The following PPP1R9A variants were observed in gnomAD, a reference collection of about 807,000 sequenced individuals.
PPP1R9A encodes protein phosphatase 1 regulatory subunit 9A.
In PPP1R9A, 59 loss-of-function variants were observed where a neutral mutation model predicts 141.9. The observed-to-expected ratio is 0.42, with a 90% CI of 0.34 to 0.52. The LOEUF (loss-of-function observed/expected upper bound fraction) is 0.52, where lower values mean the gene tolerates loss of function less well. Among genes scored for constraint, PPP1R9A ranks in the 20% least tolerant of loss-of-function variants. The probability of loss-of-function intolerance (pLI) is 0.10; values close to 1 mark genes in which losing one functional copy is unlikely to be tolerated. For synonymous variants in PPP1R9A, 500 were observed against 569.7 expected (o/e 0.88, Z 1.74); for missense variants, 1,444 against 1,611.9 (o/e 0.90, Z 1.78).
At chr7:95,027,902 G>A (rs369100697) in intron 2 of PPP1R9A, among the ~76,000 whole-genome samples, 62 of 152,190 alleles carry the variant, frequency 4.1e-4, no homozygotes, top group Non-Finnish European at 6.6e-4. Flanking sequence ...ACCTCTTTAT[G>A]CTGCATGCCT....
intron 2 of PPP1R9A, among the ~76,000 whole-genome samples, chr7:94,967,025 T>C (rs1302906351): frequency 1.3e-5 from 2 of 152,236 alleles, no homozygotes; most frequent in Admixed American, 1.3e-4. Context: ...ATTCGAATTC[T>C]TCCTGGTTTA....
At chr7:95,074,708 A>G (rs763188935) in intron 2 of PPP1R9A, among the ~76,000 whole-genome samples, 1 of 152,016 alleles carries the variant, frequency 6.6e-6, no homozygotes, top group Non-Finnish European at 1.5e-5. Flanking sequence ...TTCCAACCTC[A>G]GGTGATCCAC....
chr7:95,071,064 A>G lies in PPP1R9A; in HGVS notation c.1396-40195A>G, dbSNP rs570415395. ...TGGAAGGTAGTTTTCAATTGTGACT[A>G]TACACTAAAGATTGTCACTTGATTC... On this transcript the variant is annotated intron_variant, in intron 2 of 19. Transcript: ENST00000433360. Among the ~76,000 whole-genome samples the G allele has an allele frequency of 2.6e-5, 4 of 152,162 alleles. No homozygotes were observed. In the East Asian group the frequency reaches 5.8e-4, roughly 22 times the overall value.
chr7:94,988,308 A>C (rs1801096498), intron 2 of PPP1R9A, among the ~76,000 whole-genome samples: 1 of 152,150 alleles, frequency 6.6e-6, no homozygotes, highest in African/African-American at 2.4e-5. Flanking sequence ...TAGATCCTCC[A>C]TATCTTCTCA....
chr7:95,283,880 A>G, intron 16 of PPP1R9A, 138 bp from the exon 17 acceptor site: 4 of 713,564 alleles, frequency 5.6e-6, no homozygotes, highest in Non-Finnish European at 8.9e-6. Flanking sequence ...GTTGTAGTCA[A>G]AAGTGCAAAC....
At chr7:95,003,313 C>T (rs1239964246) in intron 2 of PPP1R9A, among the ~76,000 whole-genome samples, 2 of 152,028 alleles carry the variant, frequency 1.3e-5, no homozygotes, top group Non-Finnish European at 2.9e-5. Context: ...GTAGTCCATG[C>T]TTATCTCTAA....
chr7:95,178,358 C>G (rs1169399979), intron 5 of PPP1R9A, among the ~76,000 whole-genome samples: 1 of 152,032 alleles, frequency 6.6e-6, no homozygotes, highest in Non-Finnish European at 1.5e-5. Context: ...CACAACTTAT[C>G]AAAACCTCAG....
chr7:94,924,507 A>T (rs868187810), intron 2 of PPP1R9A, among the ~76,000 whole-genome samples: 1 of 152,078 alleles, frequency 6.6e-6, no homozygotes. Flanking sequence ...TTTAGTTTTG[A>T]GATGGAGTCT....
intron 2 of PPP1R9A, among the ~76,000 whole-genome samples, chr7:95,066,077 G>T (rs1812899940): frequency 6.6e-6 from 1 of 152,162 alleles, no homozygotes; most frequent in Admixed American, 6.5e-5. Flanking sequence ...CAGCACCTCA[G>T]AATGTGACTG....
At chr7:95,218,455 G>C (rs903744457) in intron 7 of PPP1R9A, among the ~76,000 whole-genome samples, 2 of 152,072 alleles carry the variant, frequency 1.3e-5, no homozygotes, top group Non-Finnish European at 2.9e-5. Flanking sequence ...TTGATTTGGG[G>C]TGGAGAGTTC....
chr7:95,034,237 C>A (rs1368489440), intron 2 of PPP1R9A, among the ~76,000 whole-genome samples: 1 of 151,686 alleles, frequency 6.6e-6, no homozygotes, highest in Non-Finnish European at 1.5e-5. Flanking sequence ...TAGCTGTAGT[C>A]CCATTTAGCA....
intron 4 of PPP1R9A, among the ~76,000 whole-genome samples, chr7:95,135,660 C>T (rs1171740430): frequency 6.6e-6 from 1 of 151,700 alleles, no homozygotes; most frequent in East Asian, 1.9e-4. Context: ...ATTTTTAAAA[C>T]TTGTTTTCAA....
At chr7:94,925,872 G>T (rs1368178761) in intron 2 of PPP1R9A, among the ~76,000 whole-genome samples, 1 of 151,988 alleles carries the variant, frequency 6.6e-6, no homozygotes, top group African/African-American at 2.4e-5. Context: ...TGTTGCCTAG[G>T]CTGGAGTGCA....
At chr7:95,213,688 G>A (rs528694341) in intron 7 of PPP1R9A, among the ~76,000 whole-genome samples, 4 of 152,020 alleles carry the variant, frequency 2.6e-5, no homozygotes, top group African/African-American at 9.7e-5. Flanking sequence ...TTTGAACTCT[G>A]TTTGGAAGCC....
intron 12 of PPP1R9A, among the ~76,000 whole-genome samples, chr7:95,262,609 C>T (rs940984606): frequency 6.6e-6 from 1 of 152,040 alleles, no homozygotes; most frequent in Admixed American, 6.5e-5. Flanking sequence ...GAATTTAAGC[C>T]TCTCTGTCCA....
intron 2 of PPP1R9A, among the ~76,000 whole-genome samples, chr7:95,064,216 CATT>C (rs1812644393): frequency 6.6e-6 from 1 of 152,158 alleles, no homozygotes; most frequent in Non-Finnish European, 1.5e-5. Context: ...ATCAGTAAAT[CATT>C]ATATAACCAT....
At chr7:95,132,652 G>T (rs755565888) in intron 4 of PPP1R9A, among the ~76,000 whole-genome samples, 1 of 152,064 alleles carries the variant, frequency 6.6e-6, no homozygotes, top group Non-Finnish European at 1.5e-5. Context: ...CTCTGCGGCC[G>T]ATGTCTCTTT....
chr7:94,949,543 G>A (rs1190800075), intron 2 of PPP1R9A, among the ~76,000 whole-genome samples: 2 of 152,130 alleles, frequency 1.3e-5, no homozygotes, highest in Non-Finnish European at 2.9e-5. Context: ...ACCCAAAATA[G>A]AAGGCTACTC....
In PPP1R9A at chr7:95,269,201, CAACAGCCATCA is replaced by C; in HGVS notation, c.2824_2834del (p.Pro942PhefsTer3). ...TAACCTTCCTTATAATCTCTTATAC[CAACAGCCATCA>C]AACAGTTTCTATAACCACATGCATA... is the stretch of plus-strand genomic sequence containing the variant. On this transcript the variant is annotated splice_acceptor_variant and splice_polypyrimidine_tract_variant and coding_sequence_variant and intron_variant, in exon 14 of 20. Transcript: ENST00000433360. LOFTEE classifies it high-confidence loss of function. 1 of 1,517,896 alleles carries C rather than the reference CAACAGCCATCA, an allele frequency of 6.6e-7. No individual in the cohort carries two copies. Among genetic ancestry groups the C allele is most frequent in the East Asian group, 2.3e-5 (1 of 44,354 alleles). The allele number at this position is 1,517,896 out of a possible 1,614,324, so 94.0% of individuals were successfully genotyped here. A position where few individuals can be genotyped will look rare whatever the true frequency, so the allele number is the denominator to read the frequency against.
Sources: allele counts gnomAD v4.1 joint callset (sites outside exome capture counted in the v4.1 genomes callset), GRCh38; gene constraint gnomAD v4.1.1; transcripts MANE v1.5; gene names NCBI Gene and HGNC (gene_info 2026-07-23, HGNC 2026-07-21).